Variants in YBEY observed in about 807,000 individuals in gnomAD.
YBEY encodes the protein endoribonuclease YbeY.
YBEY carries 15 observed loss-of-function variants against 13.5 expected under a neutral mutation model. That is an observed-to-expected ratio of 1.11 (90% confidence interval 0.75 to 1.72). The LOEUF (loss-of-function observed/expected upper bound fraction) is 1.72. YBEY is among the 40% of genes most tolerant of loss of function. The pLI, the probability that YBEY is intolerant of heterozygous loss-of-function variation, is 0.00. For missense variants in YBEY, 244 were observed against 208.4 expected (o/e 1.17, Z -1.05); for synonymous variants, 101 against 83.1 (o/e 1.21, Z -1.17).
the YBEY span, among the ~76,000 whole-genome samples, chr21:46,309,695 A>G: frequency 6.6e-6 from 1 of 151,762 alleles, no homozygotes. Context: ...GACCATTTCT[A>G]CAAAAATCTA....
chr21:46,291,589 G>A (rs2081714496), intron 3 of YBEY, 127 bp downstream of exon 3: 3 of 1,499,494 alleles, frequency 2.0e-6, no homozygotes, highest in Non-Finnish European at 2.7e-6. Flanking sequence ...GGAAGAACCT[G>A]TAAGCAGGGT....
intron 2 of YBEY, among the ~76,000 whole-genome samples, chr21:46,289,452 T>TTTTTTTTTTTTTTTTTTTTG (rs2081603740): frequency 7.3e-6 from 1 of 137,336 alleles, no homozygotes; most frequent in Non-Finnish European, 1.6e-5. Context: ...TTTTGTTTTT[T>TTTTTTTTTTTTTTTTTTTTG]TTTTTTTTTT....
At chr21:46,302,591 C>G, downstream of YBEY, 1 of 1,599,326 alleles carries the variant, frequency 6.3e-7, no homozygotes. Context: ...AGGGAAGAAG[C>G]AGGGGGACCC....
chr21:46,291,268 A>C (rs2081698127), intron 2 of YBEY, 66 bp from the exon 3 acceptor site: 1 of 1,602,468 alleles, frequency 6.2e-7, no homozygotes, highest in African/African-American at 1.4e-5. Flanking sequence ...AACCAGGATG[A>C]AACCTGTCAA....
chr21:46,304,744 A>G, the YBEY span, among the ~76,000 whole-genome samples: 1 of 152,170 alleles, frequency 6.6e-6, no homozygotes, highest in African/African-American at 2.4e-5. Context: ...TGTCCTAGGC[A>G]TGCGTTCCAT....
At chr21:46,290,897 T>C (rs2081671617) in intron 2 of YBEY, among the ~76,000 whole-genome samples, 1 of 149,660 alleles carries the variant, frequency 6.7e-6, no homozygotes, top group Non-Finnish European at 1.5e-5. Flanking sequence ...AATACAAAAT[T>C]AGCCGGGCGT....
intron 4 of YBEY, 22 bp downstream of exon 4, chr21:46,296,252 C>T (rs1241401745): frequency 6.2e-7 from 1 of 1,612,948 alleles, no homozygotes; most frequent in Non-Finnish European, 8.5e-7. Flanking sequence ...ATCCATCCCA[C>T]TACCGAGGGG....
the YBEY span, among the ~76,000 whole-genome samples, chr21:46,308,990 A>G: frequency 6.6e-5 from 10 of 152,276 alleles, no homozygotes; most frequent in Non-Finnish European, 1.3e-4. Flanking sequence ...CCCAGTCTCT[A>G]TAACTGTAAG....
At chr21:46,296,067 C>A in intron 3 of YBEY, 95 bp from the exon 4 acceptor site, 1 of 1,383,994 alleles carries the variant, frequency 7.2e-7, no homozygotes, top group Non-Finnish European at 1.0e-6. Context: ...GTCCTGCAGC[C>A]ACATACCAAG....
Position 46,296,220 on chromosome 21 carries a change from A to T in YBEY, c.398A>T (p.Glu133Val). ...LLGFTHGTEA[E>V]WQQMFQKEKA... ...GGATTCACACACGGCACGGAGGCAG[A>T]GTGGCAGCAGGTAAGGAGCCCATCC... Residue 133 changes from glutamate (E) to valine (V), a missense_variant, in exon 4 of 5, where the codon GAG (glutamate) becomes GTG (valine). By Grantham distance (121) the Glu-to-Val change is moderately radical. Coordinates refer to ENST00000397701, the MANE Select transcript of YBEY (RefSeq NM_001314025.2). 1 of 1,613,664 alleles carries T rather than the reference A, an allele frequency of 6.2e-7. No homozygotes were observed.
chr21:46,307,380 T>C, the YBEY span, among the ~76,000 whole-genome samples: 1 of 151,640 alleles, frequency 6.6e-6, no homozygotes, highest in Non-Finnish European at 1.5e-5. Context: ...CACTCACCCA[T>C]TCACACACAC....
At chr21:46,295,784 A>G (rs970495492) in intron 3 of YBEY, among the ~76,000 whole-genome samples, 3 of 152,100 alleles carry the variant, frequency 2.0e-5, no homozygotes, top group African/African-American at 7.2e-5. Context: ...CTCTTAGGGC[A>G]GGGAGGCCAC....
the YBEY span, chr21:46,311,356 C>A: frequency 3.7e-6 from 2 of 536,116 alleles, no homozygotes; most frequent in Non-Finnish European, 6.5e-6. Flanking sequence ...TGTTGAACAG[C>A]CAAAAGCTGG....
At chr21:46,312,358 G>A in the YBEY span, among the ~76,000 whole-genome samples, 29 of 152,036 alleles carry the variant, frequency 1.9e-4, no homozygotes, top group African/African-American at 6.3e-4. Flanking sequence ...TGCTCTTGTC[G>A]CCCAGGCTGG....
At chr21:46,311,421 C>G in the YBEY span, 94 of 1,297,006 alleles carry the variant, frequency 7.2e-5, no homozygotes, top group East Asian at 2.1e-3. Context: ...AGATAATTTC[C>G]TCAACCCACA....
intron 2 of YBEY, among the ~76,000 whole-genome samples, chr21:46,287,753 G>A (rs116858988): frequency 0.025 from 3,863 of 152,210 alleles, 41 homozygotes; most frequent in Non-Finnish European, 0.036. Flanking sequence ...CACTTTGGGA[G>A]CCCGAGGCGG....
the YBEY span, among the ~76,000 whole-genome samples, chr21:46,306,497 T>G: frequency 0.025 from 3,833 of 151,684 alleles, 81 homozygotes; most frequent in Non-Finnish European, 0.032. Flanking sequence ...CACTCCCATC[T>G]CGAAAAAAAA....
chr21:46,301,830 G>C, downstream of YBEY: 2 of 1,264,240 alleles, frequency 1.6e-6, no homozygotes, highest in Non-Finnish European at 2.0e-6. Context: ...TGACCAGAAA[G>C]CGAGCCTGCC....
the YBEY span, among the ~76,000 whole-genome samples, chr21:46,304,179 A>G: frequency 6.7e-6 from 1 of 149,012 alleles, no homozygotes; most frequent in Admixed American, 6.7e-5. Flanking sequence ...AGCACCCGCC[A>G]CCACGCCCGG....
Sources: gnomAD v4.1 joint callset for allele counts (sites outside exome capture counted in the v4.1 genomes callset) on GRCh38, gnomAD v4.1.1 for gene constraint, MANE v1.5 for transcripts, NCBI Gene and HGNC (gene_info 2026-07-23, HGNC 2026-07-21) for gene names.